Variants in PTPRU observed in about 807,000 individuals in gnomAD.
PTPRU encodes protein tyrosine phosphatase receptor type U.
Under a neutral mutation model 166.3 loss-of-function variants are expected in PTPRU, and 69 were observed. The observed-to-expected ratio is 0.41, with a 90% CI of 0.34 to 0.51. PTPRU has a LOEUF of 0.51. Among genes scored for constraint, PTPRU ranks in the 20% least tolerant of loss-of-function variants. The pLI is 0.09. For synonymous variants in PTPRU, 793 were observed against 814.0 expected (o/e 0.97, Z 0.44); for missense variants, 1,657 against 2,013.7 (o/e 0.82, Z 3.39).
chr1:29,307,581 T>A (rs1557473884), intron 18 of PTPRU, among the ~76,000 whole-genome samples: 1 of 152,190 alleles, frequency 6.6e-6, no homozygotes, highest in Non-Finnish European at 1.5e-5. Flanking sequence ...AGGGTCAAGA[T>A]CTTGGACAGC....
In PTPRU at chr1:29,279,864, G is replaced by A. The variant is rs774303790; in HGVS notation, c.1766-175G>A. Among the ~76,000 whole-genome samples the A allele has an allele frequency of 6.6e-5, 10 of 152,220 alleles. No individual in the cohort carries two copies. The highest frequency in any genetic ancestry group is 6.5e-5 in the Admixed American group (1 of 15,286). On this transcript the variant is annotated intron_variant, in intron 10 of 29. Coordinates refer to ENST00000373779, the MANE Select transcript of PTPRU (RefSeq NM_133178.4). This position sits in a 1 kb window ranked among gnomAD's most constrained non-coding sequence, Gnocchi z 5.2. ...CTGGTCAGTGGAATCAGAAGATTGA[G>A]GTTGGGGCTGGTGCCTGAGGTCAGG...
intron 13 of PTPRU, among the ~76,000 whole-genome samples, chr1:29,284,184 C>T (rs1686234944): frequency 6.6e-6 from 1 of 152,108 alleles, no homozygotes; most frequent in African/African-American, 2.4e-5. Flanking sequence ...CTGGAGCAGG[C>T]TTGTGGAGAG....
intron 7 of PTPRU, among the ~76,000 whole-genome samples, chr1:29,266,563 T>C (rs998361435): frequency 1.2e-4 from 18 of 152,220 alleles, no homozygotes; most frequent in Non-Finnish European, 5.9e-5. Flanking sequence ...CAGTGGGAAT[T>C]GCTTTCTAGT....
intron 15 of PTPRU, among the ~76,000 whole-genome samples, chr1:29,292,815 G>GT (rs774242717): frequency 0.073 from 9,715 of 132,890 alleles, 1,183 homozygotes; most frequent in African/African-American, 0.24. Flanking sequence ...AAATTGTTGT[G>GT]TTTTTTTTTT....
At chr1:29,259,825 C>G (rs769195379) in intron 5 of PTPRU, 45 bp from the exon 6 acceptor site, 5 of 1,494,506 alleles carry the variant, frequency 3.3e-6, no homozygotes, top group Non-Finnish European at 4.4e-6. Flanking sequence ...GATCGGGACC[C>G]CTCGCTCCGA....
intron 1 of PTPRU, among the ~76,000 whole-genome samples, chr1:29,248,081 T>A (rs1426226669): frequency 6.6e-6 from 1 of 152,150 alleles, no homozygotes; most frequent in Non-Finnish European, 1.5e-5. Context: ...AGTAGCAAGG[T>A]GGGCTGGGCC....
intron 18 of PTPRU, among the ~76,000 whole-genome samples, chr1:29,305,887 C>T (rs1352047167): frequency 6.6e-6 from 1 of 152,090 alleles, no homozygotes; most frequent in Non-Finnish European, 1.5e-5. Context: ...AGAATAATAA[C>T]GCACATTTAT....
Position 29,275,527 on chromosome 1 carries a change from C to CTACA in PTPRU, c.1225_1228dup (p.Asn410IlefsTer59). 6.2e-7 allele frequency: 1 copy of CTACA among 1,614,196 alleles called. No homozygotes were observed. Among genetic ancestry groups the CTACA allele is most frequent in the Non-Finnish European group, 8.5e-7 (1 of 1,180,014 alleles). The stretch of plus-strand genomic sequence containing the variant: ...TGACCCTGCAGTGGGAACCACTGGG[C>CTACA]TACAACGTGACGCGTTGCCACACCT... On this transcript the variant is annotated frameshift_variant, in exon 8 of 30. Coordinates refer to ENST00000373779, the MANE Select transcript of PTPRU (RefSeq NM_133178.4). LOFTEE classifies it high-confidence loss of function.
intron 7 of PTPRU, among the ~76,000 whole-genome samples, chr1:29,269,450 T>C (rs1685465718): frequency 6.6e-6 from 1 of 151,290 alleles, no homozygotes; most frequent in Non-Finnish European, 1.5e-5. Flanking sequence ...CATCATGGGC[T>C]GAATGCCCAC....
At chr1:29,275,107 T>G (rs1685734246) in intron 7 of PTPRU, among the ~76,000 whole-genome samples, 1 of 151,792 alleles carries the variant, frequency 6.6e-6, no homozygotes, top group South Asian at 2.1e-4. Context: ...GCCATTGTCA[T>G]GCATCCTTTG....
intron 3 of PTPRU, 34 bp downstream of exon 3, chr1:29,258,810 CTGGAGG>C (rs1457657539): frequency 3.3e-6 from 5 of 1,536,230 alleles, no homozygotes; most frequent in Non-Finnish European, 3.5e-6. Context: ...CAGCCTGTGC[CTGGAGG>C]TGGGGCAGAT....
chr1:29,253,534 A>G (rs993127124), intron 1 of PTPRU, among the ~76,000 whole-genome samples: 2 of 152,114 alleles, frequency 1.3e-5, no homozygotes, highest in African/African-American at 4.8e-5. Flanking sequence ...ACATTATAAC[A>G]TAAGACTGTA....
In PTPRU at chr1:29,325,183, T is replaced by A. The variant is rs1385957528; in HGVS notation, c.4113-8T>A. Reference sequence around the variant, plus strand: ...CCCCGCCCCTCAGCTTTTGCATCTCTCATTCAGAAACGGGGGAGGACGCAG... The same window carrying A: ...CCCCGCCCCTCAGCTTTTGCATCTCACATTCAGAAACGGGGGAGGACGCAG... On this transcript the variant is annotated splice_polypyrimidine_tract_variant and splice_region_variant and intron_variant, in intron 28 of 29. Coordinates refer to ENST00000373779, the MANE Select transcript of PTPRU (RefSeq NM_133178.4). 9 of 1,614,144 alleles carry A rather than the reference T, an allele frequency of 5.6e-6. No individual in the cohort carries two copies. In the Admixed American group the frequency reaches 1.5e-4, roughly 27 times the overall value.
At chr1:29,290,214 C>T (rs1686563015) in intron 14 of PTPRU, among the ~76,000 whole-genome samples, 1 of 152,214 alleles carries the variant, frequency 6.6e-6, no homozygotes, top group Non-Finnish European at 1.5e-5. Context: ...AGTCCCTTCT[C>T]CAGCCAGGCA....
rs1461905390 is a variant in PTPRU, at chr1:29,260,028, G to C, written c.834G>C (p.Ala278=). 2 of 1,465,838 alleles carry C rather than the reference G, an allele frequency of 1.4e-6. No individual in the cohort carries two copies. The highest frequency in any genetic ancestry group is 1.8e-6 in the Non-Finnish European group (2 of 1,114,912). The allele number at this position is 1,465,838 out of a possible 1,614,324, so 90.8% of individuals were successfully genotyped here. ...GCGGCGCGGGCGTCTCTAACTTCGC[G>C]GAGCTCATCGTCAAGGGTCAGCTGG... The part of the protein sequence containing the change: ...APRGAGVSNF[A]ELIVKEPPTP... Residue 278 remains alanine, a synonymous_variant, in exon 6 of 30, where the codon GCG becomes GCC. Transcript: ENST00000373779. This position sits in a 1 kb window ranked among gnomAD's most constrained non-coding sequence, Gnocchi z 8.3.
Position 29,317,666 on chromosome 1 carries a change from A to C in PTPRU, c.3514-82A>C. ...ATCCATAAAATGGGATTAGTAACTC[A>C]GTCCAGCCTCCTTCATGGGGATGTG... On this transcript the variant is annotated intron_variant, in intron 24 of 29. Transcript: ENST00000373779. This position sits in a 1 kb window ranked among gnomAD's most constrained non-coding sequence, Gnocchi z 5.6. 7.1e-7 allele frequency: 1 copy of C among 1,413,722 alleles called. No homozygotes were observed. Among genetic ancestry groups the C allele is most frequent in the Admixed American group, 2.1e-5 (1 of 47,334 alleles). The allele number at this position is 1,413,722 out of a possible 1,614,324, so 87.6% of individuals were successfully genotyped here. A position where few individuals can be genotyped will look rare whatever the true frequency, so the allele number is the denominator to read the frequency against.
chr1:29,259,850 C>T lies in PTPRU; in HGVS notation c.676-20C>T. ...CCTCGCTCCGAGGCGCCCCTGACCC[C>T]CTCACTCTCTTCCCTGCAGCGGCAG... On this transcript the variant is annotated intron_variant, in intron 5 of 29. Coordinates refer to ENST00000373779, the MANE Select transcript of PTPRU (RefSeq NM_133178.4). 6.6e-7 allele frequency: 1 copy of T among 1,524,858 alleles called. No homozygotes were observed. The highest frequency in any genetic ancestry group is 8.8e-7 in the Non-Finnish European group (1 of 1,142,350). The allele number at this position is 1,524,858 out of a possible 1,614,324, so 94.5% of individuals were successfully genotyped here.
chr1:29,311,778 T>A lies in PTPRU; in HGVS notation c.3072+19T>A, dbSNP rs780193326. ...GGAGCGGGTGAGTCTCCCCACCGCC[T>A]GTTCCCTGCAGAGGGTGCCTGAGCA... On this transcript the variant is annotated intron_variant, in intron 21 of 29. Coordinates refer to ENST00000373779, the MANE Select transcript of PTPRU (RefSeq NM_133178.4). This position sits in a 1 kb window ranked among gnomAD's most constrained non-coding sequence, Gnocchi z 4.1. 1.9e-6 allele frequency: 3 copies of A among 1,605,286 alleles called. No homozygotes were observed. The highest frequency in any genetic ancestry group is 3.3e-5 in the Admixed American group (2 of 59,888).
At chr1:29,321,750 ATGTGGCACTGC>A (rs1350570464) in intron 26 of PTPRU, among the ~76,000 whole-genome samples, 1 of 152,224 alleles carries the variant, frequency 6.6e-6, no homozygotes, top group East Asian at 1.9e-4. Context: ...TGCATAGGAT[ATGTGGCACTGC>A]TGTGTCTGCT....
Sources: gnomAD v4.1 joint callset for allele counts (sites outside exome capture counted in the v4.1 genomes callset) on GRCh38, gnomAD v4.1.1 for gene constraint, Gnocchi (gnomAD v3.1) non-coding constraint, MANE v1.5 for transcripts, NCBI Gene and HGNC (gene_info 2026-07-23, HGNC 2026-07-21) for gene names.